The following SPRY3 variants were observed in gnomAD, a reference collection of about 807,000 sequenced individuals.
SPRY3 encodes sprouty RTK signaling antagonist 3, also known as protein sprouty homolog 3.
SPRY3 carries 15 observed loss-of-function variants against 20.2 expected under a neutral mutation model. The ratio of observed to expected loss-of-function variants is 0.74; its 90% CI spans 0.50 to 1.14. The LOEUF is 1.14. Among genes scored for constraint, SPRY3 ranks in the 50% most tolerant of loss-of-function variants. The probability of loss-of-function intolerance (pLI) is 0.00; values close to 1 mark genes in which losing one functional copy is unlikely to be tolerated. For synonymous variants in SPRY3, 143 were observed against 136.5 expected (o/e 1.05, Z -0.33); for missense variants, 364 against 363.9 (o/e 1.00, Z 0.00).
intron 2 of SPRY3, among the ~76,000 whole-genome samples, chrX:155,715,195 T>A (rs1480459837): frequency 6.6e-6 from 1 of 152,140 alleles, no homozygotes; most frequent in Non-Finnish European, 1.5e-5. Flanking sequence ...GGGTCTCCCC[T>A]GAAGTCAGCA....
chrX:155,748,664 C>G (rs2091241766), intron 2 of SPRY3, among the ~76,000 whole-genome samples: 1 of 151,780 alleles, frequency 6.6e-6, no homozygotes, highest in South Asian at 2.1e-4. Context: ...TATTGGGAAT[C>G]AGGGCCAAAG....
intron 2 of SPRY3, among the ~76,000 whole-genome samples, chrX:155,740,837 C>T (rs1489031902): frequency 6.9e-6 from 1 of 144,786 alleles, no homozygotes; most frequent in Non-Finnish European, 1.6e-5. Flanking sequence ...ACACCCCCTC[C>T]CCTTTTGAAA....
intron 3 of SPRY3, among the ~76,000 whole-genome samples, chrX:155,771,892 G>T (rs949454527): frequency 6.6e-6 from 1 of 152,138 alleles, no homozygotes; most frequent in Non-Finnish European, 1.5e-5. Context: ...AGATACGGAT[G>T]AAAAGAAATA....
chrX:155,768,176 T>C (rs2091355462), intron 3 of SPRY3, 40 bp downstream of exon 2: 2 of 152,226 alleles, frequency 1.3e-5, no homozygotes, highest in South Asian at 4.2e-4. Context: ...CCCAGAATTC[T>C]TTCTATGCAA....
intron 2 of SPRY3, among the ~76,000 whole-genome samples, chrX:155,657,325 G>A (rs782088178): frequency 3.6e-4 from 40 of 112,058 alleles, no homozygotes; most frequent in Admixed American, 1.7e-3. Flanking sequence ...TAGTGAAGAG[G>A]AATCTAGAGA....
intron 2 of SPRY3, among the ~76,000 whole-genome samples, chrX:155,697,206 T>G (rs1263185618): frequency 9.0e-6 from 1 of 110,996 alleles, no homozygotes; most frequent in African/African-American, 3.3e-5. Context: ...ATATTGCCCT[T>G]CCCAGTGTAG....
At chrX:155,693,169 T>G (rs1033507030) in intron 2 of SPRY3, among the ~76,000 whole-genome samples, 1 of 111,728 alleles carries the variant, frequency 9.0e-6, no homozygotes, top group African/African-American at 3.2e-5. Context: ...AACAAATATT[T>G]GTTACATATT....
At chrX:155,742,376 T>A (rs1410899633) in intron 2 of SPRY3, among the ~76,000 whole-genome samples, 5 of 152,086 alleles carry the variant, frequency 3.3e-5, no homozygotes, top group African/African-American at 9.7e-5. Context: ...AGACTTAGAC[T>A]CCCACACAAT....
intron 2 of SPRY3, among the ~76,000 whole-genome samples, chrX:155,697,134 G>A (rs142669955): frequency 0.012 from 1,279 of 111,100 alleles, 20 homozygotes; most frequent in African/African-American, 0.04. Flanking sequence ...CATTATTTTT[G>A]GTTGTGTCTG....
chrX:155,730,474 T>C (rs1239970369), intron 2 of SPRY3, among the ~76,000 whole-genome samples: 1 of 152,140 alleles, frequency 6.6e-6, no homozygotes, highest in East Asian at 1.9e-4. Context: ...AAGCATTTGA[T>C]AAAATTTGAC....
At chrX:155,681,173 G>C (rs1370499996) in intron 2 of SPRY3, among the ~76,000 whole-genome samples, 2 of 111,614 alleles carry the variant, frequency 1.8e-5, no homozygotes, top group African/African-American at 6.5e-5. Context: ...AGGGACCTGA[G>C]GGGAGATAAT....
chrX:155,719,714 C>T (rs1269717505), intron 2 of SPRY3, among the ~76,000 whole-genome samples: 4 of 152,096 alleles, frequency 2.6e-5, no homozygotes, highest in African/African-American at 9.7e-5. Flanking sequence ...ATACTAGACA[C>T]ACCCTGGGCC....
chrX:155,660,193 C>A (rs1376970177), intron 2 of SPRY3, among the ~76,000 whole-genome samples: 4 of 111,429 alleles, frequency 3.6e-5, no homozygotes, highest in Non-Finnish European at 5.7e-5. Context: ...GGTGTTTTTG[C>A]TGTATCCCAG....
exon 2 of SPRY3, chrX:155,781,815 G>C (rs998080746): frequency 6.6e-5 from 11 of 167,004 alleles, no homozygotes; most frequent in East Asian, 1.9e-4. Context: ...CAATCTTTTA[G>C]GTATTGTGTC....
chrX:155,706,538 A>G (rs943606400), intron 2 of SPRY3, among the ~76,000 whole-genome samples: 2 of 151,016 alleles, frequency 1.3e-5, no homozygotes, highest in African/African-American at 2.4e-5. Context: ...ATTAATAGAT[A>G]TCAATGGAAC....
At chrX:155,627,719 G>A (rs190446729) in intron 1 of SPRY3, among the ~76,000 whole-genome samples, 181 of 109,956 alleles carry the variant, frequency 1.6e-3, no homozygotes, top group African/African-American at 5.8e-3. Context: ...TGTTACATAG[G>A]TAAATGTGTG....
At chrX:155,623,344 T>G (rs1205955658) in intron 1 of SPRY3, among the ~76,000 whole-genome samples, 1 of 112,086 alleles carries the variant, frequency 8.9e-6, no homozygotes, top group Non-Finnish European at 1.9e-5. Context: ...AAAGTCCACA[T>G]TTTTTTCAAC....
intron 2 of SPRY3, among the ~76,000 whole-genome samples, chrX:155,734,101 TC>T (rs1211905985): frequency 1.3e-5 from 2 of 152,154 alleles, no homozygotes; most frequent in Non-Finnish European, 2.9e-5. Context: ...AGGAACTTTT[TC>T]TTTGCATTCA....
At chrX:155,745,748 G>A (rs2091222452) in intron 2 of SPRY3, among the ~76,000 whole-genome samples, 1 of 152,024 alleles carries the variant, frequency 6.6e-6, no homozygotes, top group Admixed American at 6.6e-5. Flanking sequence ...AATTTACCTT[G>A]CATAATGCTT....
Sources: gnomAD v4.1 joint callset for allele counts (sites outside exome capture counted in the v4.1 genomes callset) on GRCh38, gnomAD v4.1.1 for gene constraint, MANE v1.5 for transcripts, NCBI Gene and HGNC (gene_info 2026-07-23, HGNC 2026-07-21) for gene names.